The following STUM variants were observed in gnomAD, a reference collection of about 807,000 sequenced individuals.
The protein encoded by STUM is protein stum homolog.
STUM carries 8 observed loss-of-function variants against 15.3 expected under a neutral mutation model. That is an observed-to-expected ratio of 0.52 (90% CI 0.31 to 0.94). The LOEUF (loss-of-function observed/expected upper bound fraction) is 0.94. STUM is among the 40% of genes least tolerant of loss of function. The pLI is 0.05. For missense variants in STUM, 142 were observed against 204.9 expected, an observed-to-expected ratio of 0.69 and a Z score of 1.87; for synonymous variants, 78 against 88.7, an observed-to-expected ratio of 0.88 and a Z score of 0.68.
In STUM at chr1:226,603,621, A is replaced by T. The variant is rs1475392962; in HGVS notation, c.*1581A>T. The T allele has an allele frequency of 6.6e-6, 1 of 152,206 alleles. No individual in the cohort carries two copies. The highest frequency in any genetic ancestry group is 1.5e-5 in the Non-Finnish European group (1 of 68,054). The allele number at this position is 152,206 out of a possible 1,614,324, so 9.4% of individuals were successfully genotyped here. ...TTTTGCAGGATGAAAGTGCTTGGGAAGTAGTGGCCACCGTTCTGGGGGTTT... is the reference window on the plus strand; with the variant it reads ...TTTTGCAGGATGAAAGTGCTTGGGATGTAGTGGCCACCGTTCTGGGGGTTT... On this transcript the variant is annotated 3_prime_UTR_variant, in exon 4 of 4. Coordinates refer to ENST00000366788, the MANE Select transcript of STUM (RefSeq NM_001003665.4).
At chr1:226,596,174 C>T (rs547227957) in intron 1 of STUM, among the ~76,000 whole-genome samples, 1 of 152,176 alleles carries the variant, frequency 6.6e-6, no homozygotes, top group Non-Finnish European at 1.5e-5. Context: ...CCCTGTCCCT[C>T]CCCTTACAGG....
intron 1 of STUM, among the ~76,000 whole-genome samples, chr1:226,596,263 G>C (rs1187476176): frequency 6.6e-6 from 1 of 151,294 alleles, no homozygotes; most frequent in Non-Finnish European, 1.5e-5. Flanking sequence ...ACTGCACAGT[G>C]TACTACTACT....
chr1:226,549,133 C>A lies in STUM; in HGVS notation c.202+27C>A, dbSNP rs767479160. The A allele has an allele frequency of 6.4e-7, 1 of 1,552,438 alleles. No homozygotes were observed. The highest frequency in any genetic ancestry group is 8.7e-7 in the Non-Finnish European group (1 of 1,148,080). On this transcript the variant is annotated intron_variant, in intron 1 of 3. Transcript: ENST00000366788. The surrounding 1 kb of genome is among the most constrained non-coding windows in gnomAD (Gnocchi z 6.8). ...TAAGACACGGCTGCCGCGACCCTTG[C>A]GACCCCCACCCCGCCGCGGGAGGGC...
chr1:226,599,085 A>G (rs1668226148), intron 2 of STUM, among the ~76,000 whole-genome samples: 3 of 152,140 alleles, frequency 2.0e-5, no homozygotes, highest in Admixed American at 6.5e-5. Flanking sequence ...TCACTATCAC[A>G]AGAACACTGC....
chr1:226,583,048 C>T (rs767151904), intron 1 of STUM, among the ~76,000 whole-genome samples: 1 of 152,230 alleles, frequency 6.6e-6, no homozygotes, highest in East Asian at 1.9e-4. Context: ...TGTGGTGTCT[C>T]ATCCTCCAAC....
chr1:226,584,029 A>G (rs919878521), intron 1 of STUM, among the ~76,000 whole-genome samples: 1 of 152,106 alleles, frequency 6.6e-6, no homozygotes, highest in African/African-American at 2.4e-5. Context: ...CCATTGTGTT[A>G]TGCTCATCTT....
chr1:226,591,053 A>G (rs1357237104), intron 1 of STUM, among the ~76,000 whole-genome samples: 1 of 152,218 alleles, frequency 6.6e-6, no homozygotes, highest in African/African-American at 2.4e-5. Flanking sequence ...TAGAACCAAC[A>G]CATTGCTGTT....
intron 3 of STUM, 113 bp from the exon 4 acceptor site, chr1:226,601,893 A>G: frequency 1.2e-6 from 1 of 823,446 alleles, no homozygotes; most frequent in Non-Finnish European, 2.0e-6. Flanking sequence ...GCAGTCATTT[A>G]CACCTTAGTA....
Position 226,592,044 on chromosome 1 carries a change from A to C in STUM, c.203-4758A>C, listed in dbSNP as rs572194388. The stretch of plus-strand genomic sequence containing the variant: ...GAAGGTTCTTTCCTTATTATTATTA[A>C]TTTTTTTGTTGTTGTTGTTTTATGA... On this transcript the variant is annotated intron_variant, in intron 1 of 3. Coordinates refer to ENST00000366788, the MANE Select transcript of STUM (RefSeq NM_001003665.4). 2.6e-5 allele frequency among the ~76,000 whole-genome samples: 4 copies of C among 151,976 alleles called. No homozygotes were observed. In the East Asian group the frequency reaches 7.7e-4, roughly 29 times the overall value.
chr1:226,600,538 C>A lies in STUM; in HGVS notation c.383-128C>A. On this transcript the variant is annotated intron_variant, in intron 2 of 3. Coordinates refer to ENST00000366788, the MANE Select transcript of STUM (RefSeq NM_001003665.4). The surrounding 1 kb of genome is among the most constrained non-coding windows in gnomAD (Gnocchi z 5.2). ...CTGGCATGGCCCCTGTCCCATCTCC[C>A]AGGCCTCACCATGGATCTGCTTTGT... 1 of 1,153,088 alleles carries A rather than the reference C, an allele frequency of 8.7e-7. No homozygotes were observed. The highest frequency in any genetic ancestry group is 1.3e-6 in the Non-Finnish European group (1 of 780,038). The allele number at this position is 1,153,088 out of a possible 1,614,324, so 71.4% of individuals were successfully genotyped here. A position where few individuals can be genotyped will look rare whatever the true frequency, so the allele number is the denominator to read the frequency against.
chr1:226,561,506 G>A (rs1667542545), intron 1 of STUM, among the ~76,000 whole-genome samples: 1 of 152,158 alleles, frequency 6.6e-6, no homozygotes, highest in Non-Finnish European at 1.5e-5. Context: ...CACTCAGGGA[G>A]GAACTGGAAC....
At chr1:226,563,831 G>A (rs906867890) in intron 1 of STUM, among the ~76,000 whole-genome samples, 2 of 152,234 alleles carry the variant, frequency 1.3e-5, no homozygotes, top group African/African-American at 4.8e-5. Context: ...TGGGTTGAAC[G>A]TGCAAGTGGA....
Position 226,604,457 on chromosome 1 carries a change from GC to G in STUM, c.*2419del, listed in dbSNP as rs1668326059. On this transcript the variant is annotated 3_prime_UTR_variant, in exon 4 of 4. Coordinates refer to ENST00000366788, the MANE Select transcript of STUM (RefSeq NM_001003665.4). The surrounding 1 kb of genome is among the most constrained non-coding windows in gnomAD (Gnocchi z 4.7). The stretch of plus-strand genomic sequence containing the variant: ...TCCGGGTAACTGATGTGTGGGAGAA[GC>G]CAAGAGGCCCCTGCCTGTCTCCTGA... 1 of 152,258 alleles carries G rather than the reference GC, an allele frequency of 6.6e-6. No individual in the cohort carries two copies. The highest frequency in any genetic ancestry group is 2.1e-4 in the South Asian group (1 of 4,834). 9.4% of individuals were successfully genotyped at this position (152,258 alleles called of 1,614,324 possible).
chr1:226,578,709 C>A (rs1326215784), intron 1 of STUM, among the ~76,000 whole-genome samples: 1 of 152,102 alleles, frequency 6.6e-6, no homozygotes, highest in Non-Finnish European at 1.5e-5. Flanking sequence ...GAGTCTGACT[C>A]GGTGAAGGCC....
intron 1 of STUM, among the ~76,000 whole-genome samples, chr1:226,555,426 C>A (rs1188242357): frequency 6.6e-6 from 1 of 152,228 alleles, no homozygotes; most frequent in Non-Finnish European, 1.5e-5. Context: ...CCCAGACCTG[C>A]TTCTCCCTCC....
In STUM at chr1:226,608,231, G is replaced by A. The variant is rs1668392450; in HGVS notation, c.*6191G>A. 1 of 152,300 alleles carries A rather than the reference G, an allele frequency of 6.6e-6. No individual in the cohort carries two copies. The highest frequency in any genetic ancestry group is 1.5e-5 in the Non-Finnish European group (1 of 68,092). The allele number at this position is 152,300 out of a possible 1,614,324, so 9.4% of individuals were successfully genotyped here. On this transcript the variant is annotated 3_prime_UTR_variant, in exon 4 of 4. Transcript: ENST00000366788. The surrounding 1 kb of genome is among the most constrained non-coding windows in gnomAD (Gnocchi z 4.0). ...TTCCCACCCACCTGCTCCAGCACAGGAACCAGGGAGGAAAGAAGGGAGAGG... is the reference window on the plus strand; with the variant it reads ...TTCCCACCCACCTGCTCCAGCACAGAAACCAGGGAGGAAAGAAGGGAGAGG...
chr1:226,571,373 G>A (rs1020473655), intron 1 of STUM, among the ~76,000 whole-genome samples: 9 of 152,198 alleles, frequency 5.9e-5, no homozygotes, highest in African/African-American at 9.7e-5. Flanking sequence ...ATAGTGATAA[G>A]TGCCAATGAT....
At position 226,603,664 on chromosome 1, in the gene STUM, C is replaced by T. The variant is rs1668307973; in HGVS notation, c.*1624C>T. On this transcript the variant is annotated 3_prime_UTR_variant, in exon 4 of 4. Transcript: ENST00000366788. ...GGGGGTTTCAGCCCACCTACCCCAT[C>T]CACCGGGCTTTCTAATCACAGTCCT... 6.6e-6 allele frequency: 1 copy of T among 152,266 alleles called. No homozygotes were observed. Among genetic ancestry groups the T allele is most frequent in the Non-Finnish European group, 1.5e-5 (1 of 68,088 alleles). 9.4% of individuals were successfully genotyped at this position (152,266 alleles called of 1,614,324 possible).
In STUM at chr1:226,608,931, G is replaced by C. The variant is rs886328490; in HGVS notation, c.*6891G>C. On this transcript the variant is annotated 3_prime_UTR_variant, in exon 4 of 4. Coordinates refer to ENST00000366788, the MANE Select transcript of STUM (RefSeq NM_001003665.4). The surrounding 1 kb of genome is among the most constrained non-coding windows in gnomAD (Gnocchi z 4.0). Reference sequence around the variant, plus strand: ...CACAGCGCCCTCTAGGGGCCAAGCAGGGTTCCAGATTCTCCAGCCTTCTGC... The same window carrying C: ...CACAGCGCCCTCTAGGGGCCAAGCACGGTTCCAGATTCTCCAGCCTTCTGC... 1.3e-5 allele frequency: 2 copies of C among 152,238 alleles called. No individual in the cohort carries two copies. Among genetic ancestry groups the C allele is most frequent in the African/African-American group, 4.8e-5 (2 of 41,442 alleles). The allele number at this position is 152,238 out of a possible 1,614,324, so 9.4% of individuals were successfully genotyped here. A position where few individuals can be genotyped will look rare whatever the true frequency, so the allele number is the denominator to read the frequency against.
Sources: gnomAD v4.1 joint callset for allele counts (sites outside exome capture counted in the v4.1 genomes callset) on GRCh38, gnomAD v4.1.1 for gene constraint, Gnocchi (gnomAD v3.1) non-coding constraint, MANE v1.5 for transcripts, NCBI Gene and HGNC (gene_info 2026-07-23, HGNC 2026-07-21) for gene names.